Variants in TEAD1 observed in about 807,000 individuals in gnomAD.
The protein encoded by TEAD1 is TEA domain transcription factor 1.
TEAD1 carries 9 observed loss-of-function variants against 54.9 expected under a neutral mutation model. The observed-to-expected ratio is 0.16, with a 90% CI of 0.10 to 0.29. The LOEUF is 0.29. Among genes scored for constraint, TEAD1 ranks in the 10% least tolerant of loss-of-function variants. The probability of loss-of-function intolerance (pLI) is 1.00; values close to 1 mark genes in which losing one functional copy is unlikely to be tolerated. For synonymous variants in TEAD1, 200 were observed against 187.8 expected (o/e 1.07, Z -0.53); for missense variants, 387 against 535.9 (o/e 0.72, Z 2.74).
At chr11:12,830,301 A>G (rs1333114364) in intron 3 of TEAD1, among the ~76,000 whole-genome samples, 2 of 152,128 alleles carry the variant, frequency 1.3e-5, no homozygotes, top group Admixed American at 6.6e-5. Context: ...AGTGGGGGGC[A>G]TCCCAGTGGA....
chr11:12,925,048 T>C lies in TEAD1; in HGVS notation c.1010T>C (p.Val337Ala). 6.2e-7 allele frequency: 1 copy of C among 1,614,102 alleles called. No homozygotes were observed. The highest frequency in any genetic ancestry group is 8.5e-7 in the Non-Finnish European group (1 of 1,180,026). Residue 337 changes from valine to alanine, a missense_variant, in exon 11 of 13, where the codon GTA becomes GCA. Transcript: ENST00000527636. Reference sequence around the variant, plus strand: ...TTTGGGAAGCAAGTAGTAGAAAAAGTAGAGGTAAGTTGGCCTCTGTATACT... The same window carrying C: ...TTTGGGAAGCAAGTAGTAGAAAAAGCAGAGGTAAGTTGGCCTCTGTATACT...
At chr11:12,913,502 T>G (rs1948654879) in intron 10 of TEAD1, among the ~76,000 whole-genome samples, 1 of 152,216 alleles carries the variant, frequency 6.6e-6, no homozygotes, top group Admixed American at 6.5e-5. Flanking sequence ...TCCAAGTGTT[T>G]CCTGCAACTT....
chr11:12,930,320 T>G lies in TEAD1; in HGVS notation c.1161T>G (p.Ile387Met). Residue 387 changes from isoleucine to methionine, a missense_variant, in exon 12 of 13, where the codon ATT becomes ATG. By Grantham distance (10) the Ile-to-Met change is conservative (BLOSUM62 1). This residue lies in a region of TEAD1 where 123 missense variants were observed against 199.0 expected (regional missense o/e 0.62). Transcript: ENST00000527636. ...ACAGTGTTTTGGAAAACTTCACAAT[T>G]TTATTGGTAATGGTTTTGTCTCTTT... is the stretch of plus-strand genomic sequence containing the variant. 2 of 1,614,152 alleles carry G rather than the reference T, an allele frequency of 1.2e-6. No individual in the cohort carries two copies. Among genetic ancestry groups the G allele is most frequent in the Non-Finnish European group, 1.7e-6 (2 of 1,180,012 alleles).
At chr11:12,755,359 C>A (rs1353998167) in intron 2 of TEAD1, among the ~76,000 whole-genome samples, 3 of 152,122 alleles carry the variant, frequency 2.0e-5, no homozygotes, top group Non-Finnish European at 4.4e-5. Flanking sequence ...TTATAATAAT[C>A]GGATGGTGAA....
At chr11:12,802,312 T>C (rs1454106409) in intron 3 of TEAD1, among the ~76,000 whole-genome samples, 3 of 152,190 alleles carry the variant, frequency 2.0e-5, no homozygotes, top group Admixed American at 6.5e-5. Flanking sequence ...ACAATGTGTG[T>C]GGGACTTCGA....
intron 2 of TEAD1, among the ~76,000 whole-genome samples, chr11:12,738,835 T>C (rs1398246815): frequency 6.6e-6 from 1 of 152,176 alleles, no homozygotes; most frequent in Non-Finnish European, 1.5e-5. Context: ...AAAGGTGATG[T>C]GTGCCAAGCC....
At chr11:12,685,532 G>A (rs1280674334) in intron 2 of TEAD1, among the ~76,000 whole-genome samples, 3 of 152,164 alleles carry the variant, frequency 2.0e-5, no homozygotes, top group South Asian at 2.1e-4. Context: ...CGGTGATCGA[G>A]TGATTAAAAA....
intron 5 of TEAD1, among the ~76,000 whole-genome samples, chr11:12,873,939 A>G (rs1429772519): frequency 1.3e-5 from 2 of 152,274 alleles, no homozygotes; most frequent in Admixed American, 6.5e-5. Context: ...CCCTTGCACT[A>G]TATTGCTGGT....
Position 12,943,089 on chromosome 11 carries a change from GTCTC to G in TEAD1, c.*5869_*5872del, listed in dbSNP as rs1180928851. The G allele has an allele frequency of 1.3e-5, 2 of 152,202 alleles. No individual in the cohort carries two copies. Among genetic ancestry groups the G allele is most frequent in the Non-Finnish European group, 2.9e-5 (2 of 68,040 alleles). The allele number at this position is 152,202 out of a possible 1,614,324, so 9.4% of individuals were successfully genotyped here. A position where few individuals can be genotyped will look rare whatever the true frequency, so the allele number is the denominator to read the frequency against. On this transcript the variant is annotated 3_prime_UTR_variant, in exon 13 of 13. Transcript: ENST00000527636. ...AACTCTTAATACATACGTTCTGTGT[GTCTC>G]TACCTGGCGTCTTTAAGAATATCCT... is the stretch of plus-strand genomic sequence containing the variant.
chr11:12,742,358 A>G (rs902103106), intron 2 of TEAD1, among the ~76,000 whole-genome samples: 1 of 152,234 alleles, frequency 6.6e-6, no homozygotes, highest in Non-Finnish European at 1.5e-5. Flanking sequence ...GTGAAATAAT[A>G]AAAGTAAAGT....
At position 12,930,312 on chromosome 11, in the gene TEAD1, T is replaced by C; in HGVS notation, c.1153T>C (p.Phe385Leu). The change falls in exon 12 of 13, where the codon TTC becomes CTC. Residue 385 changes from phenylalanine (F) to leucine (L), a missense_variant. Coordinates refer to ENST00000527636, the MANE Select transcript of TEAD1 (RefSeq NM_021961.6). ...TATGATGAACAGTGTTTTGGAAAAC[T>C]TCACAATTTTATTGGTAATGGTTTT... 1 of 1,614,240 alleles carries C rather than the reference T, an allele frequency of 6.2e-7. No individual in the cohort carries two copies. Among genetic ancestry groups the C allele is most frequent in the Non-Finnish European group, 8.5e-7 (1 of 1,180,042 alleles).
intron 3 of TEAD1, among the ~76,000 whole-genome samples, chr11:12,787,762 T>A (rs898087853): frequency 1.3e-5 from 2 of 152,180 alleles, no homozygotes; most frequent in Non-Finnish European, 2.9e-5. Context: ...TTTCATAAAT[T>A]TATGTACTTA....
chr11:12,886,569 G>T (rs1168206536), intron 9 of TEAD1, among the ~76,000 whole-genome samples: 2 of 152,148 alleles, frequency 1.3e-5, no homozygotes, highest in Non-Finnish European at 2.9e-5. Flanking sequence ...CCCACACTTG[G>T]GTGGAGAACA....
chr11:12,814,899 G>A (rs1037032322), intron 3 of TEAD1, among the ~76,000 whole-genome samples: 16 of 151,848 alleles, frequency 1.1e-4, no homozygotes, highest in Non-Finnish European at 1.9e-4. Context: ...GTCCCGGAGC[G>A]CACGCACCCA....
At chr11:12,725,504 C>T (rs1188391199) in intron 2 of TEAD1, among the ~76,000 whole-genome samples, 1 of 152,104 alleles carries the variant, frequency 6.6e-6, no homozygotes, top group South Asian at 2.1e-4. Flanking sequence ...ATGATAAATG[C>T]TCAGTGTGAT....
At chr11:12,863,213 G>A (rs1589936720) in intron 4 of TEAD1, among the ~76,000 whole-genome samples, 1 of 152,202 alleles carries the variant, frequency 6.6e-6, no homozygotes, top group East Asian at 1.9e-4. Flanking sequence ...GTGAGGAATT[G>A]TTTTCATGAG....
chr11:12,679,406 A>G lies in TEAD1; in HGVS notation c.-55+3845A>G, dbSNP rs74938599. Among the ~76,000 whole-genome samples the G allele has an allele frequency of 8.1e-3, 1,232 of 152,300 alleles. 16 individuals are homozygous for G. The highest frequency in any genetic ancestry group is 0.028 in the African/African-American group (1,170 of 41,562). On this transcript the variant is annotated intron_variant, in intron 2 of 12. Coordinates refer to ENST00000527636, the MANE Select transcript of TEAD1 (RefSeq NM_021961.6). The stretch of plus-strand genomic sequence containing the variant: ...AAAGAAAAAGCTGGCTTATTGATGA[A>G]CAAGTTAAGCATCCGTCATCTCTAA...
intron 3 of TEAD1, among the ~76,000 whole-genome samples, chr11:12,773,112 C>T (rs1372522707): frequency 1.3e-5 from 2 of 152,108 alleles, no homozygotes; most frequent in African/African-American, 4.8e-5. Context: ...CAAGTTTGTT[C>T]CTTTTTATCA....
At chr11:12,852,758 C>A (rs1589925082) in intron 3 of TEAD1, among the ~76,000 whole-genome samples, 2 of 152,020 alleles carry the variant, frequency 1.3e-5, no homozygotes, top group South Asian at 4.2e-4. Flanking sequence ...TCCATTAAAT[C>A]TCATCTACAC....
Sources: gnomAD v4.1 joint callset for allele counts (sites outside exome capture counted in the v4.1 genomes callset) on GRCh38, gnomAD v4.1.1 for gene constraint, gnomAD v4.1.1 regional missense constraint, MANE v1.5 for transcripts, NCBI Gene and HGNC (gene_info 2026-07-23, HGNC 2026-07-21) for gene names.